Variants in INVS observed in about 807,000 individuals in gnomAD.
INVS encodes the protein inversion of embryo turning homolog.
A neutral mutation model predicts 108.8 loss-of-function variants in INVS; 86 were observed. That is an observed-to-expected ratio of 0.79 (90% CI 0.66 to 0.95). The LOEUF is 0.95. Ranked by LOEUF, INVS falls within the 40% of genes least tolerant of loss-of-function variation. The pLI is 0.00. For synonymous variants in INVS, 455 were observed against 473.5 expected (o/e 0.96, Z 0.51); for missense variants, 1,169 against 1,297.4 (o/e 0.90, Z 1.52).
intron 3 of INVS, among the ~76,000 whole-genome samples, chr9:100,192,943 A>G (rs1260498743): frequency 6.6e-6 from 1 of 151,260 alleles, no homozygotes; most frequent in African/African-American, 2.4e-5. Context: ...GTTTTTAAAT[A>G]AGATTTCAGA....
intron 3 of INVS, among the ~76,000 whole-genome samples, chr9:100,160,152 A>G (rs1829122084): frequency 6.6e-6 from 1 of 152,200 alleles, no homozygotes; most frequent in Non-Finnish European, 1.5e-5. Flanking sequence ...TTCAGCAAGC[A>G]TATTCTGAGG....
At chr9:100,235,302 G>A (rs1040197718) in intron 5 of INVS, among the ~76,000 whole-genome samples, 8 of 151,884 alleles carry the variant, frequency 5.3e-5, no homozygotes, top group Non-Finnish European at 7.4e-5. Context: ...CACGCTGGTG[G>A]GTCTTGACTC....
chr9:100,164,655 G>A (rs945220264), intron 3 of INVS, among the ~76,000 whole-genome samples: 3 of 151,980 alleles, frequency 2.0e-5, no homozygotes, highest in African/African-American at 7.2e-5. Context: ...CTTTTAAAAT[G>A]TAATCATGAT....
intron 3 of INVS, among the ~76,000 whole-genome samples, chr9:100,144,864 A>G (rs926687499): frequency 6.6e-6 from 1 of 152,060 alleles, no homozygotes; most frequent in African/African-American, 2.4e-5. Context: ...GGAGGGAAAG[A>G]AGGAGGATTG....
At chr9:100,186,512 A>G (rs1239994346) in intron 3 of INVS, among the ~76,000 whole-genome samples, 2 of 152,030 alleles carry the variant, frequency 1.3e-5, no homozygotes, top group African/African-American at 4.8e-5. Context: ...CTTTCACCCC[A>G]TTCATGCCAA....
At chr9:100,288,261 C>T (rs1833505612) in intron 13 of INVS, among the ~76,000 whole-genome samples, 1 of 152,150 alleles carries the variant, frequency 6.6e-6, no homozygotes, top group African/African-American at 2.4e-5. Context: ...CTTCCTTTTC[C>T]TAAGAAATGC....
rs776929488 is a variant in INVS at position 100,242,590 on chromosome 9, C to T, written c.817C>T (p.Leu273Phe). The change falls in exon 7 of 17, where the codon CTC becomes TTC. Residue 273 changes from leucine to phenylalanine, a missense_variant. Physicochemically the swap from Leu to Phe is conservative, Grantham distance 22 (BLOSUM62 0). Transcript: ENST00000262457. ...ALLGHAQIVH[L>F]LLERNKSGTI... ...CTCAGGCCATGCACAGATTGTCCAT[C>T]TCCTTTTAGAAAGAAATAAGTCTGG... 3.4e-5 allele frequency: 54 copies of T among 1,604,534 alleles called. No homozygotes were observed. The highest frequency in any genetic ancestry group is 4.3e-5 in the Non-Finnish European group (50 of 1,171,490).
chr9:100,198,356 G>A (rs766654301), intron 3 of INVS, among the ~76,000 whole-genome samples: 77 of 126,446 alleles, frequency 6.1e-4, no homozygotes, highest in African/African-American at 1.9e-3. Context: ...GGAGTGCAAC[G>A]GTGCGATCTT....
intron 3 of INVS, among the ~76,000 whole-genome samples, chr9:100,174,766 G>C (rs1483983689): frequency 1.3e-5 from 2 of 151,978 alleles, no homozygotes; most frequent in African/African-American, 4.8e-5. Context: ...TACAAAATTA[G>C]CTGGGCATGG....
intron 12 of INVS, among the ~76,000 whole-genome samples, chr9:100,273,662 C>T (rs560670446): frequency 4.6e-5 from 7 of 151,310 alleles, no homozygotes; most frequent in Admixed American, 2.6e-4. Context: ...CTTGGCCTCC[C>T]GAGTAGCTGG....
chr9:100,100,746 G>A (rs188330080), intron 1 of INVS, among the ~76,000 whole-genome samples: 275 of 19,614 alleles, frequency 0.014, 5 homozygotes, highest in Non-Finnish European at 0.02. Flanking sequence ...TATATTATAT[G>A]TACATATAAT....
chr9:100,240,306 C>A, intron 6 of INVS, 66 bp downstream of exon 6: 1 of 1,238,156 alleles, frequency 8.1e-7, no homozygotes, highest in Non-Finnish European at 1.2e-6. Flanking sequence ...CTGTGCCTTC[C>A]CTTCCACTGT....
chr9:100,136,415 T>C (rs775661801), intron 3 of INVS, among the ~76,000 whole-genome samples: 4 of 152,336 alleles, frequency 2.6e-5, no homozygotes, highest in Middle Eastern at 6.8e-3. Flanking sequence ...CATCCATAAA[T>C]ATTTCAGTAT....
At chr9:100,184,095 G>A (rs1829983608) in intron 3 of INVS, among the ~76,000 whole-genome samples, 1 of 151,910 alleles carries the variant, frequency 6.6e-6, no homozygotes, top group African/African-American at 2.4e-5. Context: ...ATACTTGGAG[G>A]AAATACTAAA....
intron 3 of INVS, among the ~76,000 whole-genome samples, chr9:100,195,995 T>G (rs755301054): frequency 6.6e-6 from 1 of 152,226 alleles, no homozygotes; most frequent in African/African-American, 2.4e-5. Flanking sequence ...CTTCATAAAA[T>G]AAGCTGGGAA....
chr9:100,252,783 G>A (rs1048601971), intron 9 of INVS, 124 bp from the exon 10 acceptor site: 50 of 751,798 alleles, frequency 6.7e-5, no homozygotes, highest in Admixed American at 4.5e-4. Context: ...AGGAACAATT[G>A]TTATTGTTTT....
rs562789031 is a variant in INVS, at chr9:100,135,146, T to C, written c.273+8597T>C. Reference sequence around the variant, plus strand: ...TTTATGCACTTTACTGTATATGTTATATTCTCAATTTTTAAAGTATTATTT... The same window carrying C: ...TTTATGCACTTTACTGTATATGTTACATTCTCAATTTTTAAAGTATTATTT... On this transcript the variant is annotated intron_variant, in intron 3 of 16. Coordinates refer to ENST00000262457, the MANE Select transcript of INVS (RefSeq NM_014425.5). Among the ~76,000 whole-genome samples, 7 of 152,350 alleles carry C rather than the reference T, an allele frequency of 4.6e-5. No homozygotes were observed. In the East Asian group the frequency reaches 1.2e-3, roughly 25 times the overall value.
At chr9:100,155,368 G>T (rs111568058) in intron 3 of INVS, among the ~76,000 whole-genome samples, 1 of 151,880 alleles carries the variant, frequency 6.6e-6, no homozygotes, top group Non-Finnish European at 1.5e-5. Context: ...ATGGAGTCTC[G>T]CTCTTTCACC....
In INVS at chr9:100,246,162, AG is replaced by A. The variant is rs202050535; in HGVS notation, c.907-453del. Among the ~76,000 whole-genome samples, 218 of 151,218 alleles carry A rather than the reference AG, an allele frequency of 1.4e-3. 2 individuals carry two copies. Among genetic ancestry groups the A allele is most frequent in the African/African-American group, 4.5e-3 (184 of 41,146 alleles). ...AGTAAGACTCCCTCTCAAAAAAAAA[AG>A]AAAAAGAAAAAAGAAAAGAAGGAAA... On this transcript the variant is annotated intron_variant, in intron 7 of 16. Transcript: ENST00000262457.
Sources: gnomAD v4.1 joint callset for allele counts (sites outside exome capture counted in the v4.1 genomes callset) on GRCh38, gnomAD v4.1.1 for gene constraint, MANE v1.5 for transcripts, NCBI Gene and HGNC (gene_info 2026-07-23, HGNC 2026-07-21) for gene names.